Variants in MYO5C observed in about 807,000 individuals in gnomAD.
The protein encoded by MYO5C is myosin VC, also known as unconventional myosin-Vc.
In MYO5C, 194 loss-of-function variants were observed where a neutral mutation model predicts 235.7. The ratio of observed to expected loss-of-function variants is 0.82; its 90% confidence interval spans 0.73 to 0.93. MYO5C has a LOEUF of 0.93. Ranked by LOEUF, MYO5C falls within the 40% of genes least tolerant of loss-of-function variation. MYO5C has a pLI of 0.00. For missense variants in MYO5C, 2,038 were observed against 2,127.2 expected, an observed-to-expected ratio of 0.96 and a Z score of 0.82; for synonymous variants, 707 against 754.8, an observed-to-expected ratio of 0.94 and a Z score of 1.04.
chr15:52,276,594 C>T (rs560082694), intron 4 of MYO5C, among the ~76,000 whole-genome samples: 131 of 152,274 alleles, frequency 8.6e-4, no homozygotes, highest in Non-Finnish European at 1.5e-3. Flanking sequence ...TGTCAGGAAC[C>T]GTCATGAAAT....
At chr15:52,264,411 G>A in intron 8 of MYO5C, 115 bp from the exon 9 acceptor site, 1 of 812,254 alleles carries the variant, frequency 1.2e-6, no homozygotes, top group Non-Finnish European at 2.0e-6. Context: ...CTCTGGGACA[G>A]GAACGTGAAG....
chr15:52,211,936 C>G, intron 34 of MYO5C, 52 bp from the exon 35 acceptor site: 1 of 1,582,600 alleles, frequency 6.3e-7, no homozygotes, highest in Non-Finnish European at 8.6e-7. Context: ...AGCTCTTCTC[C>G]TAAGGAACTT....
intron 24 of MYO5C, among the ~76,000 whole-genome samples, chr15:52,232,230 GAAGA>G (rs1360330696): frequency 7.1e-5 from 2 of 28,196 alleles, no homozygotes; most frequent in African/African-American, 1.4e-4. Context: ...ATGAAAGAAA[GAAGA>G]AAGAAAGAAG....
intron 38 of MYO5C, among the ~76,000 whole-genome samples, chr15:52,203,106 A>G (rs968425671): frequency 6.6e-6 from 1 of 151,864 alleles, no homozygotes; most frequent in African/African-American, 2.4e-5. Flanking sequence ...TATTTTTAGT[A>G]CAGACAGAGG....
chr15:52,232,168 AAGGAAGGG>A (rs796526949), intron 24 of MYO5C, among the ~76,000 whole-genome samples: 756 of 17,790 alleles, frequency 0.042, 70 homozygotes, highest in Middle Eastern at 0.25. Flanking sequence ...AAAGGAAGGG[AAGGAAGGG>A]AGGAAGGGAG....
chr15:52,211,700 C>G, intron 35 of MYO5C, 30 bp downstream of exon 35: 6 of 1,605,854 alleles, frequency 3.7e-6, no homozygotes, highest in Non-Finnish European at 5.1e-6. Flanking sequence ...AGATGTGATA[C>G]CAGGGGCCAA....
intron 32 of MYO5C, among the ~76,000 whole-genome samples, chr15:52,215,675 A>T (rs554563364): frequency 6.6e-6 from 1 of 152,120 alleles, no homozygotes. Context: ...AAAATGGGTC[A>T]CCCATCAACC....
At chr15:52,219,073 G>A (rs2035617917) in intron 31 of MYO5C, among the ~76,000 whole-genome samples, 1 of 152,224 alleles carries the variant, frequency 6.6e-6, no homozygotes, top group Admixed American at 6.5e-5. Context: ...GAGAGGAGGA[G>A]AGACCATTAG....
At position 52,237,543 on chromosome 15, in the gene MYO5C, G is replaced by T. The variant is rs753890476; in HGVS notation, c.2807C>A (p.Ala936Glu). 1.5e-5 allele frequency: 25 copies of T among 1,614,114 alleles called. No homozygotes were observed. In the South Asian group the frequency reaches 2.5e-4, roughly 16 times the overall value. Reference sequence around the variant, plus strand: ...CTCGTAATTTCGCCTGTGAGTGGCTGCTTTTTCTAGTTCTGCTTCCAGCTT... The same window carrying T: ...CTCGTAATTTCGCCTGTGAGTGGCTTCTTTTTCTAGTTCTGCTTCCAGCTT... ...IQKLEAELEK[A>E]ATHRRNYEEK... is the part of the protein sequence containing the mutation. Residue 936 changes from alanine to glutamate, a missense_variant, in exon 22 of 41, where the codon GCA (alanine) becomes GAA (glutamate). Physicochemically the swap from Ala to Glu is moderately radical, Grantham distance 107. Coordinates refer to ENST00000261839, the MANE Select transcript of MYO5C (RefSeq NM_018728.4).
At chr15:52,251,682 T>A (rs920439843) in intron 12 of MYO5C, among the ~76,000 whole-genome samples, 167 bp from the exon 13 acceptor site, 1 of 151,162 alleles carries the variant, frequency 6.6e-6, no homozygotes, top group Non-Finnish European at 1.5e-5. Flanking sequence ...TATTTATTTT[T>A]GAGATGGAGT....
chr15:52,263,639 T>G (rs570553392), intron 9 of MYO5C, among the ~76,000 whole-genome samples: 9 of 152,310 alleles, frequency 5.9e-5, no homozygotes, highest in African/African-American at 2.2e-4. Flanking sequence ...CCTGCGGGTT[T>G]CTGCACTTGC....
intron 26 of MYO5C, 119 bp from the exon 27 acceptor site, chr15:52,225,257 A>G (rs1389162664): frequency 8.3e-7 from 1 of 1,202,318 alleles, no homozygotes; most frequent in African/African-American, 1.5e-5. Context: ...CTCACCAGCT[A>G]TCCAATCAAC....
At chr15:52,201,755 C>T (rs897080626) in intron 38 of MYO5C, among the ~76,000 whole-genome samples, 1 of 151,652 alleles carries the variant, frequency 6.6e-6, no homozygotes, top group African/African-American at 2.4e-5. Flanking sequence ...TATAAGACCA[C>T]TGCAACATAA....
intron 30 of MYO5C, among the ~76,000 whole-genome samples, chr15:52,220,296 G>A (rs1222275295): frequency 2.6e-5 from 4 of 152,094 alleles, no homozygotes; most frequent in Non-Finnish European, 5.9e-5. Context: ...GCAATACTGG[G>A]CCCACATTCC....
chr15:52,219,533 G>C (rs1003541127), intron 31 of MYO5C, among the ~76,000 whole-genome samples: 4 of 152,336 alleles, frequency 2.6e-5, no homozygotes, highest in Admixed American at 2.6e-4. Context: ...CCAACTGCCT[G>C]GAGGCAACCA....
intron 11 of MYO5C, among the ~76,000 whole-genome samples, chr15:52,254,651 A>G (rs758904427): frequency 6.6e-6 from 1 of 152,066 alleles, no homozygotes; most frequent in Non-Finnish European, 1.5e-5. Flanking sequence ...GGAGAAGAGG[A>G]AAAAGGAAGA....
At chr15:52,213,096 A>C in intron 34 of MYO5C, 92 bp downstream of exon 34, 1 of 918,550 alleles carries the variant, frequency 1.1e-6, no homozygotes, top group Non-Finnish European at 1.8e-6. Flanking sequence ...GAAAAAGTAG[A>C]AAAAGGACCA....
chr15:52,214,541 A>C (rs2035512366), intron 33 of MYO5C, 62 bp downstream of exon 33: 1 of 1,210,110 alleles, frequency 8.3e-7, no homozygotes, highest in Non-Finnish European at 1.2e-6. Flanking sequence ...GAAAGAAAAT[A>C]AACACTTGAG....
intron 11 of MYO5C, 140 bp downstream of exon 11, chr15:52,256,499 C>T: frequency 1.7e-6 from 1 of 605,138 alleles, no homozygotes; most frequent in East Asian, 2.8e-5. Context: ...GTGCAGTGAC[C>T]CAGCGTGAGG....
Sources: gnomAD v4.1 joint callset for allele counts (sites outside exome capture counted in the v4.1 genomes callset) on GRCh38, gnomAD v4.1.1 for gene constraint, MANE v1.5 for transcripts, NCBI Gene and HGNC (gene_info 2026-07-23, HGNC 2026-07-21) for gene names.